HPSE2: variants seen among roughly 807,000 people sequenced by gnomAD.
HPSE2 encodes the protein heparanase 2 (inactive), also known as inactive heparanase-2.
HPSE2 carries 38 observed loss-of-function variants against 60.5 expected under a neutral mutation model. The observed-to-expected ratio is 0.63, with a 90% CI of 0.48 to 0.82. The LOEUF (loss-of-function observed/expected upper bound fraction) is 0.82. Among genes scored for constraint, HPSE2 ranks in the 40% least tolerant of loss-of-function variants. The pLI is 0.00. For missense variants in HPSE2, 713 were observed against 740.4 expected (o/e 0.96, Z 0.43); for synonymous variants, 295 against 293.2 (o/e 1.01, Z -0.06).
At chr10:99,120,550 T>C (rs971595128) in intron 3 of HPSE2, among the ~76,000 whole-genome samples, 2 of 152,054 alleles carry the variant, frequency 1.3e-5, no homozygotes, top group African/African-American at 4.8e-5. Flanking sequence ...CTTGGCTCAC[T>C]GCAACCTCCA....
intron 3 of HPSE2, among the ~76,000 whole-genome samples, chr10:99,006,053 C>A (rs1431081188): frequency 2.0e-5 from 3 of 152,112 alleles, no homozygotes; most frequent in African/African-American, 7.2e-5. Context: ...AGAGGGTAGG[C>A]CTAGAACCTA....
At chr10:99,114,870 C>T (rs1405146363) in intron 3 of HPSE2, among the ~76,000 whole-genome samples, 1 of 143,302 alleles carries the variant, frequency 7.0e-6, no homozygotes, top group Admixed American at 7.1e-5. Flanking sequence ...GCCAAGATGG[C>T]GCCACTGCAC....
chr10:98,554,259 C>T (rs146782632), intron 9 of HPSE2, among the ~76,000 whole-genome samples: 2 of 152,338 alleles, frequency 1.3e-5, no homozygotes, highest in African/African-American at 4.8e-5. Context: ...CCCATGGACT[C>T]AGGCACCTCT....
chr10:99,103,238 T>C (rs1175121324), intron 3 of HPSE2, among the ~76,000 whole-genome samples: 2 of 152,282 alleles, frequency 1.3e-5, no homozygotes, highest in East Asian at 1.9e-4. Flanking sequence ...AAAACCCCAT[T>C]GTCTCAGCCA....
chr10:99,132,769 C>A (rs760850169), intron 3 of HPSE2, among the ~76,000 whole-genome samples: 1 of 152,162 alleles, frequency 6.6e-6, no homozygotes, highest in African/African-American at 2.4e-5. Context: ...CGGTCCCTAC[C>A]CCACCAGTGC....
At chr10:98,920,953 A>T (rs1460006574) in intron 3 of HPSE2, among the ~76,000 whole-genome samples, 1 of 152,182 alleles carries the variant, frequency 6.6e-6, no homozygotes, top group Non-Finnish European at 1.5e-5. Flanking sequence ...TATTTGGATG[A>T]CATTGCCTTA....
intron 3 of HPSE2, among the ~76,000 whole-genome samples, chr10:99,085,586 C>A (rs1843288265): frequency 6.6e-6 from 1 of 152,070 alleles, no homozygotes; most frequent in South Asian, 2.1e-4. Context: ...TAAAACCTTC[C>A]TGAGTGGGTA....
chr10:99,054,788 G>A (rs1958072289), intron 3 of HPSE2, among the ~76,000 whole-genome samples: 1 of 152,152 alleles, frequency 6.6e-6, no homozygotes, highest in Non-Finnish European at 1.5e-5. Flanking sequence ...TTGGCTCACT[G>A]CAACCTCCGC....
intron 2 of HPSE2, among the ~76,000 whole-genome samples, chr10:99,213,358 T>A (rs1014046249): frequency 3.3e-5 from 5 of 152,122 alleles, no homozygotes; most frequent in Admixed American, 3.3e-4. Flanking sequence ...CAATCTCTGA[T>A]AAAGAACCAT....
rs767659736 is a variant in HPSE2, at chr10:98,459,603, C to T, written c.1750G>A (p.Val584Ile). Residue 584 changes from valine (V) to isoleucine (I), a missense_variant, in exon 12 of 12, where the codon GTC becomes ATC. Transcript: ENST00000370552. ...VTMGFYVVKN[V>I]NALACRYR ...CGGTAGCGGCAGGCCAAAGCATTGA[C>T]ATTCTTGACCACATAAAAGCCCATG... 17 of 1,614,042 alleles carry T rather than the reference C, an allele frequency of 1.1e-5. No individual in the cohort carries two copies. The highest frequency in any genetic ancestry group is 1.3e-5 in the Non-Finnish European group (15 of 1,180,036).
At chr10:99,064,621 A>C (rs1539395) in intron 3 of HPSE2, among the ~76,000 whole-genome samples, 127,161 of 150,906 alleles carry the variant, frequency 0.84, 54,628 homozygotes, top group South Asian at 0.97. Context: ...ATATATATAT[A>C]TATCTCCCGT....
At chr10:99,112,950 T>TAC (rs201829298) in intron 3 of HPSE2, among the ~76,000 whole-genome samples, 4 of 109,346 alleles carry the variant, frequency 3.7e-5, no homozygotes, top group East Asian at 3.4e-4. Flanking sequence ...CCTAGACTCA[T>TAC]ACACACACAC....
At chr10:98,653,411 T>A (rs1351987746) in intron 6 of HPSE2, among the ~76,000 whole-genome samples, 1 of 146,044 alleles carries the variant, frequency 6.8e-6, no homozygotes, top group East Asian at 2.1e-4. Flanking sequence ...ATTCCTTGTA[T>A]CTGTTTTTTT....
rs1025368710 is a variant in HPSE2, at chr10:99,096,381, C to G, written c.610+47857G>C. 1.6e-4 allele frequency among the ~76,000 whole-genome samples: 25 copies of G among 152,162 alleles called. 1 individual carries two copies. The highest frequency in any genetic ancestry group is 1.5e-3 in the Admixed American group (23 of 15,280). On this transcript the variant is annotated intron_variant, in intron 3 of 11. Coordinates refer to ENST00000370552, the MANE Select transcript of HPSE2 (RefSeq NM_021828.5). ...GTACTGGGCACTTATCTAAGTGCTTCACTTATTTAATCCTAACAACAATCC... is the reference window on the plus strand; with the variant it reads ...GTACTGGGCACTTATCTAAGTGCTTGACTTATTTAATCCTAACAACAATCC...
intron 3 of HPSE2, among the ~76,000 whole-genome samples, chr10:98,956,903 C>G (rs4341466): frequency 1.8e-3 from 272 of 152,258 alleles, no homozygotes; most frequent in African/African-American, 5.9e-3. Context: ...AAGAGGAGAA[C>G]AAGTGCAAAA....
intron 11 of HPSE2, among the ~76,000 whole-genome samples, chr10:98,473,210 C>G (rs1032414525): frequency 5.3e-5 from 8 of 152,014 alleles, no homozygotes; most frequent in Admixed American, 5.2e-4. Flanking sequence ...GGTGGTCAGG[C>G]GCGGTGGCTC....
At chr10:99,311,862 T>G in the HPSE2 span, among the ~76,000 whole-genome samples, 1 of 152,136 alleles carries the variant, frequency 6.6e-6, no homozygotes, top group Non-Finnish European at 1.5e-5. Flanking sequence ...AAGAAAAAGT[T>G]ATTGAAGGAA....
chr10:98,995,262 T>A (rs192027868), intron 3 of HPSE2, among the ~76,000 whole-genome samples: 3 of 152,322 alleles, frequency 2.0e-5, no homozygotes, highest in Admixed American at 2.0e-4. Flanking sequence ...CTCCCAAAAT[T>A]GTATTTACCA....
intron 6 of HPSE2, among the ~76,000 whole-genome samples, chr10:98,666,447 G>A (rs522007): frequency 0.78 from 118,228 of 152,084 alleles, 47,202 homozygotes; most frequent in East Asian, 1. Flanking sequence ...ATAGACATCT[G>A]CAGAACATTC....
Sources: gnomAD v4.1 joint callset for allele counts (sites outside exome capture counted in the v4.1 genomes callset) on GRCh38, gnomAD v4.1.1 for gene constraint, MANE v1.5 for transcripts, NCBI Gene and HGNC (gene_info 2026-07-23, HGNC 2026-07-21) for gene names.